The following KIF26B variants were observed in gnomAD, a reference collection of about 807,000 sequenced individuals.
KIF26B encodes kinesin family member 26B, also known as kinesin-like protein KIF26B.
KIF26B carries 63 observed loss-of-function variants against 151.2 expected under a neutral mutation model. That is an observed-to-expected ratio of 0.42 (90% CI 0.34 to 0.51). KIF26B has a LOEUF of 0.51. Ranked by LOEUF, KIF26B falls within the 20% of genes least tolerant of loss-of-function variation. The pLI is 0.07. For missense variants in KIF26B, 2,813 were observed against 2,913.6 expected, an observed-to-expected ratio of 0.97 and a Z score of 0.79; for synonymous variants, 1,357 against 1,262.1, an observed-to-expected ratio of 1.08 and a Z score of -1.59.
intron 2 of KIF26B, 109 bp from the exon 3 acceptor site, chr1:245,366,725 C>T (rs1672962311): frequency 9.6e-7 from 1 of 1,040,564 alleles, no homozygotes; most frequent in Non-Finnish European, 1.4e-6. Flanking sequence ...ATCAAACTAT[C>T]CAACTCTTTG....
At chr1:245,204,787 T>C (rs1669368018) in intron 2 of KIF26B, among the ~76,000 whole-genome samples, 1 of 152,110 alleles carries the variant, frequency 6.6e-6, no homozygotes, top group Non-Finnish European at 1.5e-5. Flanking sequence ...GTGTGATTTT[T>C]TTTTTCTTTA....
chr1:245,237,223 A>T (rs926137516), intron 2 of KIF26B, among the ~76,000 whole-genome samples: 1 of 152,190 alleles, frequency 6.6e-6, no homozygotes, highest in Non-Finnish European at 1.5e-5. Context: ...GACAGATGTA[A>T]CTTACAGCTC....
chr1:245,158,807 C>T (rs1668487075), intron 2 of KIF26B, among the ~76,000 whole-genome samples: 1 of 151,426 alleles, frequency 6.6e-6, no homozygotes, highest in African/African-American at 2.4e-5. Flanking sequence ...ATTTTAACTA[C>T]AAAATTTCTG....
At chr1:245,471,884 C>A (rs987302161) in intron 4 of KIF26B, among the ~76,000 whole-genome samples, 5 of 151,916 alleles carry the variant, frequency 3.3e-5, no homozygotes, top group Non-Finnish European at 7.4e-5. Context: ...CTCCACCTCC[C>A]GGGTTCAAGT....
intron 2 of KIF26B, among the ~76,000 whole-genome samples, chr1:245,175,831 G>T (rs1388087800): frequency 6.6e-6 from 1 of 151,600 alleles, no homozygotes; most frequent in Non-Finnish European, 1.5e-5. Context: ...GAAGGGTGGA[G>T]AAATTTTATT....
At chr1:245,486,068 A>G (rs1466237352) in intron 4 of KIF26B, among the ~76,000 whole-genome samples, 1 of 152,260 alleles carries the variant, frequency 6.6e-6, no homozygotes, top group East Asian at 1.9e-4. Flanking sequence ...GCTTTAAAGA[A>G]ATCCATATTT....
intron 5 of KIF26B, among the ~76,000 whole-genome samples, chr1:245,562,326 C>T (rs1327665201): frequency 1.3e-5 from 2 of 152,082 alleles, no homozygotes; most frequent in Non-Finnish European, 2.9e-5. Context: ...TGGCCCAAAT[C>T]GCAATTTTAC....
At chr1:245,689,393 A>G (rs1122736) in intron 12 of KIF26B, among the ~76,000 whole-genome samples, 89,722 of 152,060 alleles carry the variant, frequency 0.59, 28,500 homozygotes, top group Middle Eastern at 0.73. Flanking sequence ...GGGATAACGC[A>G]CAGATTGTCC....
In KIF26B at chr1:245,688,479, C is replaced by G; in HGVS notation, c.5496C>G (p.Arg1832=). The part of the protein sequence containing the change: ...QLRAGPEAEA[R]GGALAEDEPA... ...GGGCCGGGCCCGAGGCGGAGGCGCG[C>G]GGGGGGGCCCTGGCCGAGGACGAGC... The change falls in exon 12 of 15, where the codon CGC becomes CGG. Residue 1832 remains arginine, a synonymous_variant. Coordinates refer to ENST00000407071, the MANE Select transcript of KIF26B (RefSeq NM_018012.4). The G allele has an allele frequency of 7.2e-7, 1 of 1,385,604 alleles. No homozygotes were observed. Among genetic ancestry groups the G allele is most frequent in the Non-Finnish European group, 9.2e-7 (1 of 1,081,090 alleles). The allele number at this position is 1,385,604 out of a possible 1,614,324, so 85.8% of individuals were successfully genotyped here. A position where few individuals can be genotyped will look rare whatever the true frequency, so the allele number is the denominator to read the frequency against.
At chr1:245,261,291 C>T (rs1348226327) in intron 2 of KIF26B, among the ~76,000 whole-genome samples, 1 of 151,652 alleles carries the variant, frequency 6.6e-6, no homozygotes, top group African/African-American at 2.4e-5. Flanking sequence ...GATTACAGGC[C>T]TGGCTAATTT....
chr1:245,474,125 T>G (rs1303268802), intron 4 of KIF26B, among the ~76,000 whole-genome samples: 1 of 150,618 alleles, frequency 6.6e-6, no homozygotes, highest in African/African-American at 2.4e-5. Context: ...TTTTTTTTTT[T>G]TGAGATGGAG....
chr1:245,702,286 C>G lies in KIF26B; in HGVS notation c.6179-172C>G, dbSNP rs2044782871. Among the ~76,000 whole-genome samples, 1 of 152,056 alleles carries G rather than the reference C, an allele frequency of 6.6e-6. No homozygotes were observed. Among genetic ancestry groups the G allele is most frequent in the Non-Finnish European group, 1.5e-5 (1 of 68,020 alleles). ...CTGGTAAAGAGTGTTCCTTTCAACC[C>G]AAAAGAGGCCGAGAATCAGGCAGGA... On this transcript the variant is annotated intron_variant, in intron 14 of 14. Transcript: ENST00000407071. The surrounding 1 kb of genome is among the most constrained non-coding windows in gnomAD (Gnocchi z 4.1).
chr1:245,249,256 C>G (rs1670394390), intron 2 of KIF26B, among the ~76,000 whole-genome samples: 1 of 151,944 alleles, frequency 6.6e-6, no homozygotes, highest in Non-Finnish European at 1.5e-5. Context: ...GCCACCATGC[C>G]TGGCTAATTT....
At chr1:245,325,510 C>T (rs1318076981) in intron 2 of KIF26B, among the ~76,000 whole-genome samples, 2 of 152,240 alleles carry the variant, frequency 1.3e-5, no homozygotes, top group African/African-American at 2.4e-5. Context: ...GGTCTGAGTT[C>T]GAGACCAGCC....
chr1:245,355,014 A>G (rs1672658137), intron 2 of KIF26B, among the ~76,000 whole-genome samples: 2 of 152,118 alleles, frequency 1.3e-5, no homozygotes, highest in Non-Finnish European at 2.9e-5. Flanking sequence ...TATGCCTTTC[A>G]GGTTCAAGCG....
chr1:245,486,464 A>G (rs1198391532), intron 4 of KIF26B, among the ~76,000 whole-genome samples: 1 of 152,194 alleles, frequency 6.6e-6, no homozygotes, highest in Non-Finnish European at 1.5e-5. Context: ...GCTTTTAAAT[A>G]TGTAAAATAA....
chr1:245,634,290 A>T (rs1339351912), intron 9 of KIF26B, among the ~76,000 whole-genome samples: 1 of 152,142 alleles, frequency 6.6e-6, no homozygotes, highest in Non-Finnish European at 1.5e-5. Flanking sequence ...AGATCATTTG[A>T]CTTTCTTTCC....
At chr1:245,155,856 T>C (rs1265570252) in intron 1 of KIF26B, among the ~76,000 whole-genome samples, 4 of 152,032 alleles carry the variant, frequency 2.6e-5, no homozygotes. Flanking sequence ...ATCCGGAGAG[T>C]TGGACCCCGT....
intron 4 of KIF26B, among the ~76,000 whole-genome samples, chr1:245,462,481 A>T (rs555846925): frequency 5.3e-5 from 8 of 152,336 alleles, no homozygotes; most frequent in Middle Eastern, 3.4e-3. Context: ...TCAGCCAGCA[A>T]ATCAAAGCCA....
Sources: allele counts gnomAD v4.1 joint callset (sites outside exome capture counted in the v4.1 genomes callset), GRCh38; gene constraint gnomAD v4.1.1; non-coding constraint Gnocchi (gnomAD v3.1); transcripts MANE v1.5; gene names NCBI Gene and HGNC (gene_info 2026-07-23, HGNC 2026-07-21).